Variants in MTUS2 observed in about 807,000 individuals in gnomAD.
MTUS2 encodes the protein microtubule associated scaffold protein 2.
MTUS2 carries 40 observed loss-of-function variants against 114.1 expected under a neutral mutation model. That is an observed-to-expected ratio of 0.35 (90% CI 0.27 to 0.46). MTUS2 has a LOEUF of 0.46. Among genes scored for constraint, MTUS2 ranks in the 20% least tolerant of loss-of-function variants. MTUS2 has a pLI of 1.00. For missense variants in MTUS2, 1,679 were observed against 1,705.4 expected (o/e 0.98, Z 0.27); for synonymous variants, 688 against 672.0 (o/e 1.02, Z -0.37).
At chr13:28,843,051 A>G (rs915669199) in intron 2 of MTUS2, among the ~76,000 whole-genome samples, 2 of 152,094 alleles carry the variant, frequency 1.3e-5, no homozygotes, top group African/African-American at 2.4e-5. Flanking sequence ...CTACTCTTCA[A>G]TGTCTTTTTC....
intron 8 of MTUS2, among the ~76,000 whole-genome samples, chr13:29,375,631 A>ATACG (rs1871654565): frequency 1.2e-4 from 1 of 8,252 alleles, no homozygotes; most frequent in African/African-American, 1.8e-4. Flanking sequence ...ATATATATAT[A>ATACG]TATATATACA....
intron 6 of MTUS2, among the ~76,000 whole-genome samples, chr13:29,319,638 C>T (rs1051475916): frequency 2.0e-5 from 3 of 152,182 alleles, no homozygotes; most frequent in Non-Finnish European, 4.4e-5. Context: ...TGTACGCCCC[C>T]TCCAGGCCCT....
chr13:29,237,124 T>C (rs777529681), intron 5 of MTUS2, among the ~76,000 whole-genome samples: 4 of 152,222 alleles, frequency 2.6e-5, no homozygotes, highest in Admixed American at 6.5e-5. Flanking sequence ...CTATTTTAGG[T>C]ATTTATGTCT....
At position 28,863,658 on chromosome 13, in the gene MTUS2, T is replaced by C. The variant is rs753055480; in HGVS notation, c.-243+23808T>C. Among the ~76,000 whole-genome samples, 15 of 152,240 alleles carry C rather than the reference T, an allele frequency of 9.9e-5. No individual in the cohort carries two copies. The South Asian group carries it at 1.9e-3, about 19-fold the overall frequency. On this transcript the variant is annotated intron_variant, in intron 2 of 15. Coordinates refer to ENST00000612955, the MANE Select transcript of MTUS2 (RefSeq NM_001033602.4). ...GCTTCCGCATTCTTCTGAAAATAGA[T>C]GTTTTTAAAATTTATTTTAAAAATT...
chr13:28,855,702 CTT>C (rs1876580960), intron 2 of MTUS2, among the ~76,000 whole-genome samples: 1 of 152,052 alleles, frequency 6.6e-6, no homozygotes, highest in Non-Finnish European at 1.5e-5. Flanking sequence ...GATTCCATGT[CTT>C]TGCTATTGTG....
At chr13:29,289,600 T>C (rs189045112) in intron 6 of MTUS2, among the ~76,000 whole-genome samples, 2 of 152,068 alleles carry the variant, frequency 1.3e-5, no homozygotes, top group Non-Finnish European at 2.9e-5. Flanking sequence ...GTAGCTGGGA[T>C]TACAGGCACC....
chr13:29,352,226 T>C (rs1869351307), intron 7 of MTUS2, among the ~76,000 whole-genome samples: 1 of 152,228 alleles, frequency 6.6e-6, no homozygotes, highest in Non-Finnish European at 1.5e-5. Flanking sequence ...TTTCTTCTTC[T>C]GTGAAATGGA....
chr13:29,417,034 G>T (rs920742876), intron 8 of MTUS2, among the ~76,000 whole-genome samples: 2 of 152,184 alleles, frequency 1.3e-5, no homozygotes, highest in African/African-American at 4.8e-5. Context: ...AATACCTGAG[G>T]CTGGATAATT....
intron 1 of MTUS2, among the ~76,000 whole-genome samples, chr13:28,821,006 A>C (rs963311712): frequency 6.9e-6 from 1 of 145,718 alleles, no homozygotes; most frequent in Non-Finnish European, 1.5e-5. Context: ...TGCTACATCC[A>C]TTTTTTTTTT....
intron 8 of MTUS2, among the ~76,000 whole-genome samples, chr13:29,424,148 G>A (rs1230310930): frequency 6.6e-6 from 1 of 151,980 alleles, no homozygotes; most frequent in Non-Finnish European, 1.5e-5. Context: ...GATCATAAGT[G>A]TGAGCCACCA....
At chr13:28,993,842 C>A (rs1346161130) in intron 2 of MTUS2, among the ~76,000 whole-genome samples, 1 of 151,650 alleles carries the variant, frequency 6.6e-6, no homozygotes, top group African/African-American at 2.4e-5. Context: ...ATTTTAGTTT[C>A]ATTTCTTCTC....
rs138470088 is a variant in MTUS2 at position 29,232,528 on chromosome 13, T to A, written c.2645-49176T>A. Among the ~76,000 whole-genome samples the A allele has an allele frequency of 3.4e-3, 521 of 152,256 alleles. 4 individuals carry two copies. Among genetic ancestry groups the A allele is most frequent in the African/African-American group, 0.012 (497 of 41,546 alleles). ...GACTCCGAGTTCAGGACACTACGGGTTTCTAATCTGTTTTACAGAAAATAT... is the reference window on the plus strand; with the variant it reads ...GACTCCGAGTTCAGGACACTACGGGATTCTAATCTGTTTTACAGAAAATAT... On this transcript the variant is annotated intron_variant, in intron 5 of 15. Transcript: ENST00000612955.
chr13:28,986,524 C>G (rs1411237230), intron 2 of MTUS2, among the ~76,000 whole-genome samples: 1 of 152,158 alleles, frequency 6.6e-6, no homozygotes. Flanking sequence ...ATGCAAAGAA[C>G]TAAGACAAAA....
chr13:29,292,685 T>C (rs1898767650), intron 6 of MTUS2, among the ~76,000 whole-genome samples: 1 of 152,228 alleles, frequency 6.6e-6, no homozygotes, highest in Non-Finnish European at 1.5e-5. Flanking sequence ...AATCACTTTC[T>C]ATTATTTGTT....
At chr13:28,961,035 G>A (rs1813186601) in intron 2 of MTUS2, among the ~76,000 whole-genome samples, 1 of 152,126 alleles carries the variant, frequency 6.6e-6, no homozygotes, top group South Asian at 2.1e-4. Context: ...GGAGGAGACA[G>A]AGGAGAAAAA....
In MTUS2 at chr13:29,480,870, G is replaced by T. The variant is rs1881114475; in HGVS notation, c.3399+506G>T. Among the ~76,000 whole-genome samples, 1 of 152,148 alleles carries T rather than the reference G, an allele frequency of 6.6e-6. No individual in the cohort carries two copies. The highest frequency in any genetic ancestry group is 1.5e-5 in the Non-Finnish European group (1 of 68,036). On this transcript the variant is annotated intron_variant, in intron 10 of 15. Coordinates refer to ENST00000612955, the MANE Select transcript of MTUS2 (RefSeq NM_001033602.4). This position sits in a 1 kb window ranked among gnomAD's most constrained non-coding sequence, Gnocchi z 4.4. ...TAGCACTCGTCCTACACCAGACACT[G>T]CTCTAAGCTCTTTACAGGAACTGAC...
intron 8 of MTUS2, among the ~76,000 whole-genome samples, chr13:29,383,859 G>A (rs1032906688): frequency 6.6e-6 from 1 of 152,144 alleles, no homozygotes; most frequent in African/African-American, 2.4e-5. Context: ...CCATCCACAG[G>A]CCACTTACAT....
chr13:29,333,219 T>C (rs1900881594), intron 7 of MTUS2, among the ~76,000 whole-genome samples: 1 of 152,162 alleles, frequency 6.6e-6, no homozygotes, highest in African/African-American at 2.4e-5. Flanking sequence ...TTTTTTGAGA[T>C]ACAGTGTCAC....
chr13:29,126,749 T>C (rs1269889525), intron 5 of MTUS2, among the ~76,000 whole-genome samples: 1 of 152,142 alleles, frequency 6.6e-6, no homozygotes. Flanking sequence ...CCTGCTCTAC[T>C]TCATCCTACA....
Sources: allele counts gnomAD v4.1 joint callset (sites outside exome capture counted in the v4.1 genomes callset), GRCh38; gene constraint gnomAD v4.1.1; non-coding constraint Gnocchi (gnomAD v3.1); transcripts MANE v1.5; gene names NCBI Gene and HGNC (gene_info 2026-07-23, HGNC 2026-07-21).